Variants in ATP8A1 observed in about 807,000 individuals in gnomAD.
ATP8A1 encodes the protein ATPase phospholipid transporting 8A1.
Under a neutral mutation model 177.7 loss-of-function variants are expected in ATP8A1, and 90 were observed. The observed-to-expected ratio is 0.51, with a 90% CI of 0.43 to 0.60. The LOEUF (loss-of-function observed/expected upper bound fraction) is 0.60, where lower values mean the gene tolerates loss of function less well. Among genes scored for constraint, ATP8A1 ranks in the 20% least tolerant of loss-of-function variants. ATP8A1 has a pLI of 0.00. For missense variants in ATP8A1, 1,072 were observed against 1,392.8 expected (o/e 0.77, Z 3.67); for synonymous variants, 493 against 485.9 (o/e 1.01, Z -0.19).
At chr4:42,498,370 G>C (rs1414286972) in intron 24 of ATP8A1, among the ~76,000 whole-genome samples, 1 of 152,140 alleles carries the variant, frequency 6.6e-6, no homozygotes, top group African/African-American at 2.4e-5. Flanking sequence ...ATAAGTTATA[G>C]TCAAAACTTA....
intron 33 of ATP8A1, among the ~76,000 whole-genome samples, chr4:42,435,450 C>CAAAAAAAA (rs11306070): frequency 3.4e-5 from 4 of 116,968 alleles, no homozygotes; most frequent in African/African-American, 1.3e-4. Context: ...AAAAAAAAAA[C>CAAAAAAAA]AAAAAAAAAA....
intron 24 of ATP8A1, among the ~76,000 whole-genome samples, chr4:42,496,749 T>C (rs995194311): frequency 1.3e-5 from 2 of 152,004 alleles, no homozygotes; most frequent in African/African-American, 2.4e-5. Flanking sequence ...TATACACACA[T>C]ATACACACAT....
chr4:42,500,385 CAAAACAAAACA>C (rs1275215269), intron 24 of ATP8A1, among the ~76,000 whole-genome samples: 2 of 151,026 alleles, frequency 1.3e-5, no homozygotes. Context: ...CAAAACAAAA[CAAAACAAAACA>C]AAACAAAACA....
rs1355314248 is a variant in ATP8A1 at position 42,522,171 on chromosome 4, A to C, written c.1936T>G (p.Leu646Val). ...RLLKLEESYE[L>V]IEKNLQLLGA... ...AATCATCCACGTACCTTTTCAATCA[A>C]CTCATAACTCTCTTCGAGTTTGAGT... The change falls in exon 22 of 37, where the codon TTG becomes GTG. Residue 646 changes from leucine to valine, a missense_variant. By Grantham distance (32) the Leu-to-Val change is conservative (BLOSUM62 1). Transcript: ENST00000381668. The C allele has an allele frequency of 6.2e-7, 1 of 1,610,598 alleles. No homozygotes were observed. The highest frequency in any genetic ancestry group is 1.7e-5 in the Admixed American group (1 of 59,042).
At chr4:42,465,596 C>A (rs1719650672) in intron 25 of ATP8A1, among the ~76,000 whole-genome samples, 1 of 152,196 alleles carries the variant, frequency 6.6e-6, no homozygotes, top group African/African-American at 2.4e-5. Flanking sequence ...CTTCCAAAGC[C>A]ACTAAGGGTC....
intron 31 of ATP8A1, among the ~76,000 whole-genome samples, chr4:42,446,266 A>G (rs973141973): frequency 6.6e-6 from 1 of 152,018 alleles, no homozygotes; most frequent in Non-Finnish European, 1.5e-5. Context: ...GCCCCTGCAA[A>G]CATACTTTTG....
intron 12 of ATP8A1, among the ~76,000 whole-genome samples, chr4:42,577,958 T>C (rs927236590): frequency 6.6e-6 from 1 of 152,146 alleles, no homozygotes; most frequent in Admixed American, 6.5e-5. Context: ...AGAAAGTTGA[T>C]ACACCTAGTA....
intron 25 of ATP8A1, among the ~76,000 whole-genome samples, chr4:42,477,697 C>A (rs115465932): frequency 2.1e-4 from 32 of 150,918 alleles, no homozygotes; most frequent in African/African-American, 7.8e-4. Flanking sequence ...CTTGGCTAGG[C>A]GCAGTGGCTC....
At chr4:42,590,121 GA>G (rs1474441477) in intron 7 of ATP8A1, among the ~76,000 whole-genome samples, 1 of 152,180 alleles carries the variant, frequency 6.6e-6, no homozygotes, top group South Asian at 2.1e-4. Flanking sequence ...CTAGTCAAGA[GA>G]GGCAAAGCAG....
intron 33 of ATP8A1, among the ~76,000 whole-genome samples, chr4:42,443,225 A>G (rs1366730105): frequency 6.6e-6 from 1 of 152,224 alleles, no homozygotes; most frequent in African/African-American, 2.4e-5. Flanking sequence ...ATTTCCCCAA[A>G]TCTTTAATCA....
chr4:42,606,825 G>A lies in ATP8A1; in HGVS notation c.410-6307C>T, dbSNP rs560384807. 2.2e-4 allele frequency among the ~76,000 whole-genome samples: 33 copies of A among 152,228 alleles called. 1 individual carries two copies. The South Asian group carries it at 6.6e-3, about 31-fold the overall frequency. On this transcript the variant is annotated intron_variant, in intron 5 of 36. Transcript: ENST00000381668. ...TGCCCCAGAGAACATTGCTGACTCCGGGGCATTTGAGTTTGTAATTTTATC... is the reference window on the plus strand; with the variant it reads ...TGCCCCAGAGAACATTGCTGACTCCAGGGCATTTGAGTTTGTAATTTTATC...
rs73810711 is a variant in ATP8A1 at position 42,474,629 on chromosome 4, G to A, written c.2325-9553C>T. Among the ~76,000 whole-genome samples, 1,204 of 152,198 alleles carry A rather than the reference G, an allele frequency of 7.9e-3. 14 individuals carry two copies. The highest frequency in any genetic ancestry group is 0.028 in the African/African-American group (1,159 of 41,532). On this transcript the variant is annotated intron_variant, in intron 25 of 36. Transcript: ENST00000381668. ...AATATGGCTGTGCTGACAGACCCCC[G>A]AATGCCACCTCACACGGGGAATTCC...
chr4:42,492,927 G>A (rs1435483854), intron 24 of ATP8A1, among the ~76,000 whole-genome samples: 1 of 152,176 alleles, frequency 6.6e-6, no homozygotes, highest in Non-Finnish European at 1.5e-5. Flanking sequence ...AGGAAAAAAT[G>A]CAACAGAATG....
intron 20 of ATP8A1, among the ~76,000 whole-genome samples, chr4:42,531,671 A>G (rs1727274845): frequency 6.6e-6 from 1 of 152,204 alleles, no homozygotes; most frequent in African/African-American, 2.4e-5. Flanking sequence ...AAAAAACTGA[A>G]GACTCTAACA....
chr4:42,591,776 A>G (rs1156792201), intron 6 of ATP8A1, among the ~76,000 whole-genome samples: 3 of 152,184 alleles, frequency 2.0e-5, no homozygotes, highest in African/African-American at 4.8e-5. Context: ...AACCATGTTC[A>G]TGCTTTAATT....
At chr4:42,516,793 G>A (rs1031327730) in intron 22 of ATP8A1, among the ~76,000 whole-genome samples, 1 of 152,082 alleles carries the variant, frequency 6.6e-6, no homozygotes, top group African/African-American at 2.4e-5. Flanking sequence ...TAATTTATGT[G>A]TCTTAGAAAT....
intron 4 of ATP8A1, among the ~76,000 whole-genome samples, chr4:42,619,879 G>A (rs1379998430): frequency 6.6e-6 from 1 of 152,032 alleles, no homozygotes; most frequent in Non-Finnish European, 1.5e-5. Flanking sequence ...AAACATAGAA[G>A]AACTGAGATT....
intron 5 of ATP8A1, among the ~76,000 whole-genome samples, chr4:42,604,141 C>A (rs1433218033): frequency 6.6e-6 from 1 of 152,138 alleles, no homozygotes; most frequent in Non-Finnish European, 1.5e-5. Context: ...TTCCCTCCAT[C>A]CTCACCTAGT....
intron 15 of ATP8A1, among the ~76,000 whole-genome samples, chr4:42,562,838 T>C (rs1730979326): frequency 6.6e-6 from 1 of 152,228 alleles, no homozygotes; most frequent in South Asian, 2.1e-4. Context: ...ATGTAAGACA[T>C]GACTTGCTCT....
Sources: gnomAD v4.1 joint callset for allele counts (sites outside exome capture counted in the v4.1 genomes callset) on GRCh38, gnomAD v4.1.1 for gene constraint, MANE v1.5 for transcripts, NCBI Gene and HGNC (gene_info 2026-07-23, HGNC 2026-07-21) for gene names.